ABCC11: variants seen among roughly 807,000 people sequenced by gnomAD.
ABCC11 encodes the protein ATP binding cassette subfamily C member 11.
ABCC11 carries 135 observed loss-of-function variants against 149.3 expected under a neutral mutation model. The ratio of observed to expected loss-of-function variants is 0.90; its 90% CI spans 0.79 to 1.04. The LOEUF (loss-of-function observed/expected upper bound fraction) is 1.04. Among genes scored for constraint, ABCC11 ranks in the 50% least tolerant of loss-of-function variants. ABCC11 has a pLI of 0.00. For missense variants in ABCC11, 1,680 were observed against 1,722.1 expected, an observed-to-expected ratio of 0.98 and a Z score of 0.43; for synonymous variants, 665 against 671.4, an observed-to-expected ratio of 0.99 and a Z score of 0.15.
chr16:48,198,598 T>C (rs1440881165), intron 15 of ABCC11, among the ~76,000 whole-genome samples: 1 of 151,896 alleles, frequency 6.6e-6, no homozygotes, highest in African/African-American at 2.4e-5. Context: ...CTCTCAAACA[T>C]GTGTGCAAAG....
At chr16:48,228,961 AT>A (rs1970256616) in intron 3 of ABCC11, among the ~76,000 whole-genome samples, 1 of 152,034 alleles carries the variant, frequency 6.6e-6, no homozygotes, top group Non-Finnish European at 1.5e-5. Flanking sequence ...AGAAAATGCA[AT>A]TCGAAAAGAG....
At chr16:48,214,741 A>G (rs1355029072) in intron 9 of ABCC11, 140 bp downstream of exon 9, 4 of 1,204,470 alleles carry the variant, frequency 3.3e-6, no homozygotes, top group Non-Finnish European at 4.6e-6. Flanking sequence ...ACAGCACTGT[A>G]CTTTTGTCTG....
intron 1 of ABCC11, among the ~76,000 whole-genome samples, chr16:48,238,739 C>T (rs1247077145): frequency 6.6e-6 from 1 of 151,634 alleles, no homozygotes; most frequent in Non-Finnish European, 1.5e-5. Context: ...AGATCGAGAC[C>T]ATCCTGGCTA....
At chr16:48,183,304 C>T (rs1966557894) in intron 23 of ABCC11, among the ~76,000 whole-genome samples, 3 of 152,240 alleles carry the variant, frequency 2.0e-5, no homozygotes, top group Admixed American at 1.3e-4. Flanking sequence ...GGGGCCTTCA[C>T]GGATGCCCCT....
rs200499042 is a variant in ABCC11 at position 48,198,036 on chromosome 16, T to C, written c.2249A>G (p.Glu750Gly). 6.8e-6 allele frequency: 11 copies of C among 1,614,236 alleles called. No homozygotes were observed. The East Asian group carries it at 2.5e-4, about 36-fold the overall frequency. ...AGCCTGACTTTCTACCTTTGGCTTC[T>C]CTGCTATCTTTGCTGTGTCCTGCAA... The part of the protein sequence containing the change: ...DMLQDTAKIA[E>G]KPKVESQALA... The change falls in exon 17 of 30, where the codon GAG (glutamate) becomes GGG (glycine). Residue 750 changes from glutamate (E) to glycine (G), a missense_variant. Coordinates refer to ENST00000356608, the MANE Select transcript of ABCC11 (RefSeq NM_001370497.1).
intron 14 of ABCC11, among the ~76,000 whole-genome samples, chr16:48,201,516 TG>T (rs1967982343): frequency 6.7e-6 from 1 of 149,182 alleles, no homozygotes; most frequent in South Asian, 2.2e-4. Context: ...CTCACTATAT[TG>T]CCTAGGCTGG....
At position 48,211,148 on chromosome 16, in the gene ABCC11, G is replaced by A. The variant is rs749164681; in HGVS notation, c.1408C>T (p.Pro470Ser). The change falls in exon 11 of 30, where the codon CCC becomes TCC. Residue 470 changes from proline to serine, a missense_variant. Pro to Ser is a moderately conservative substitution (Grantham distance 74, BLOSUM62 -1). Coordinates refer to ENST00000356608, the MANE Select transcript of ABCC11 (RefSeq NM_001370497.1). Reference protein sequence around the residue: ...PVFYVQTLQDPSKALVFEEAT... With the variant: ...PVFYVQTLQDSSKALVFEEAT... ...TCCTCAAAGACCAGAGCTTTGCTGG[G>A]GTCTTGTAATGTCTGGACATAGAAA... The A allele has an allele frequency of 8.1e-6, 13 of 1,614,158 alleles. 1 individual carries two copies. In the East Asian group the frequency reaches 2.9e-4, roughly 36 times the overall value.
At chr16:48,214,093 C>T (rs1047431151) in intron 9 of ABCC11, among the ~76,000 whole-genome samples, 6 of 152,028 alleles carry the variant, frequency 3.9e-5, no homozygotes, top group Admixed American at 6.5e-5. Context: ...CTGGAGGTGC[C>T]GAAAGAACCT....
chr16:48,199,734 G>A (rs1418199569), intron 15 of ABCC11, among the ~76,000 whole-genome samples: 1 of 130,266 alleles, frequency 7.7e-6, no homozygotes, highest in Non-Finnish European at 1.5e-5. Flanking sequence ...AGGCTGGAGT[G>A]CAGTGGCACT....
intron 20 of ABCC11, 108 bp from the exon 21 acceptor site, chr16:48,187,535 G>C (rs1966821325): frequency 1.1e-6 from 1 of 917,938 alleles, no homozygotes; most frequent in East Asian, 2.6e-5. Context: ...GATCCCAGGG[G>C]TCTCCAGGGC....
intron 13 of ABCC11, 124 bp downstream of exon 13, chr16:48,205,289 T>G: frequency 7.3e-7 from 1 of 1,368,202 alleles, no homozygotes; most frequent in Non-Finnish European, 1.0e-6. Flanking sequence ...GAGGGGTGAA[T>G]ATGATAATGC....
At chr16:48,203,969 T>C (rs1160991091) in intron 13 of ABCC11, among the ~76,000 whole-genome samples, 1 of 152,248 alleles carries the variant, frequency 6.6e-6, no homozygotes, top group Non-Finnish European at 1.5e-5. Flanking sequence ...TATAGGTTAT[T>C]ATTGTTTTAA....
At chr16:48,196,355 G>C (rs1324712092) in intron 17 of ABCC11, 34 bp from the exon 18 acceptor site, 1 of 1,592,844 alleles carries the variant, frequency 6.3e-7, no homozygotes, top group East Asian at 2.2e-5. Context: ...AAAGTGGTAT[G>C]CCTGCCAATC....
rs181307743 is a variant in ABCC11 at position 48,213,541 on chromosome 16, T to A, written c.1258A>T (p.Met420Leu). The A allele has an allele frequency of 1.9e-6, 3 of 1,609,326 alleles. No homozygotes were observed. Among genetic ancestry groups the A allele is most frequent in the Admixed American group, 1.7e-5 (1 of 59,254 alleles). Reference sequence around the variant, plus strand: ...CGAAGGAGATTCAAGGAGGCCAGCATGCTGAAGGCCTGGATAAGAAGGGGA... The same window carrying A: ...CGAAGGAGATTCAAGGAGGCCAGCAAGCTGAAGGCCTGGATAAGAAGGGGA... ...LKLTASMAFS[M>L]LASLNLLRLS... Residue 420 changes from methionine to leucine, a missense_variant, in exon 10 of 30, where the codon ATG becomes TTG. Transcript: ENST00000356608.
chr16:48,176,895 G>C (rs747770549), intron 25 of ABCC11, 29 bp downstream of exon 25: 1 of 1,607,148 alleles, frequency 6.2e-7, no homozygotes, highest in South Asian at 1.1e-5. Flanking sequence ...GGAGGAGCTG[G>C]GGACGCTCGC....
Position 48,205,520 on chromosome 16 carries a change from G to A in ABCC11, c.1698C>T (p.Gly566=). The part of the protein sequence containing the change: ...AILEEMHLLE[G]SVGVQGSLAY... ...CCAGGCTTCCCTGCACCCCCACCGA[G>A]CCCTCGAGCAAGTGCATCTGCGGCA... The change falls in exon 13 of 30, where the codon GGC becomes GGT. Residue 566 remains glycine (G), a synonymous_variant. Coordinates refer to ENST00000356608, the MANE Select transcript of ABCC11 (RefSeq NM_001370497.1). The A allele has an allele frequency of 1.2e-6, 2 of 1,613,982 alleles. No homozygotes were observed.
chr16:48,190,121 T>C (rs1242151967), intron 20 of ABCC11, among the ~76,000 whole-genome samples: 2 of 152,204 alleles, frequency 1.3e-5, no homozygotes, highest in African/African-American at 2.4e-5. Flanking sequence ...GTGCCTCTTA[T>C]GTTCTCATGG....
At chr16:48,238,072 A>G (rs571738452) in intron 1 of ABCC11, among the ~76,000 whole-genome samples, 1 of 152,364 alleles carries the variant, frequency 6.6e-6, no homozygotes, top group African/African-American at 2.4e-5. Flanking sequence ...CCCATTACCT[A>G]GAATAGTGTC....
At chr16:48,185,267 G>A (rs186809390) in intron 22 of ABCC11, among the ~76,000 whole-genome samples, 1 of 152,246 alleles carries the variant, frequency 6.6e-6, no homozygotes, top group Non-Finnish European at 1.5e-5. Context: ...AAAGTACCAA[G>A]AAATTAAAAA....
Sources: allele counts gnomAD v4.1 joint callset (sites outside exome capture counted in the v4.1 genomes callset), GRCh38; gene constraint gnomAD v4.1.1; transcripts MANE v1.5; gene names NCBI Gene and HGNC (gene_info 2026-07-23, HGNC 2026-07-21).